BCOR: variants seen among roughly 807,000 people sequenced by gnomAD.
BCOR encodes BCL6 corepressor, also known as BCL-6 corepressor.
A neutral mutation model predicts 86.7 loss-of-function variants in BCOR; 10 were observed. That is an observed-to-expected ratio of 0.12 (90% CI 0.07 to 0.20). The LOEUF is 0.20. Among genes scored for constraint, BCOR ranks in the 10% least tolerant of loss-of-function variants. The pLI is 1.00. For missense variants in BCOR, 1,259 were observed against 1,452.1 expected (o/e 0.87, Z 2.16); for synonymous variants, 611 against 609.0 (o/e 1.00, Z -0.05).
intron 1 of BCOR, among the ~76,000 whole-genome samples, chrX:40,140,160 A>T (rs1478456794): frequency 2.7e-5 from 3 of 109,479 alleles, no homozygotes; most frequent in Non-Finnish European, 5.7e-5. Context: ...TGGCTTAAAA[A>T]ATATATATAT....
rs767398989 is a variant in BCOR at position 40,095,159 on chromosome X, C to G, written c.-41+2056G>C. ...TAATCATCGCCTTCCCCCCCCACTC[C>G]GCTCTACGCGCTGAAACCCTGCCCA... On this transcript the variant is annotated intron_variant, in intron 1 of 14. Coordinates refer to ENST00000378444, the MANE Select transcript of BCOR (RefSeq NM_001123385.2). Among the ~76,000 whole-genome samples, 331 of 111,778 alleles carry G rather than the reference C, an allele frequency of 3.0e-3. 1 individual carries two copies. Among genetic ancestry groups the G allele is most frequent in the African/African-American group, 0.01 (318 of 30,738 alleles).
chrX:40,142,564 G>A (rs750567134), intron 1 of BCOR, among the ~76,000 whole-genome samples: 7 of 111,536 alleles, frequency 6.3e-5, no homozygotes, highest in Admixed American at 1.9e-4. Context: ...CTGTCCCCAC[G>A]GCCATTTATA....
chrX:40,094,220 CAG>C (rs1285318369), intron 1 of BCOR, among the ~76,000 whole-genome samples: 5 of 112,022 alleles, frequency 4.5e-5, no homozygotes, highest in Admixed American at 9.3e-5. Context: ...TCGCAGCTCA[CAG>C]AGTCTGCTGC....
At chrX:40,117,347 C>T (rs1214982224) in intron 1 of BCOR, among the ~76,000 whole-genome samples, 6 of 111,262 alleles carry the variant, frequency 5.4e-5, no homozygotes, top group East Asian at 2.8e-4. Flanking sequence ...CTCCACCAAT[C>T]GAGACCTAAG....
Position 40,073,102 on chromosome X carries a change from C to A in BCOR, c.2244G>T (p.Arg748=). 8.3e-7 allele frequency: 1 copy of A among 1,211,841 alleles called. No individual in the cohort carries two copies. The highest frequency in any genetic ancestry group is 1.1e-6 in the Non-Finnish European group (1 of 895,549). ...CCTCGTAACGGGCTCTCTCATGGGA[C>A]CGGGATCTCCTCTCTGGTTTCTCCT... ...TKEEKPERRS[R]SHERARYEDP... The change falls in exon 4 of 15, where the codon CGG becomes CGT. Residue 748 remains arginine (R), a synonymous_variant. Transcript: ENST00000378444.
In BCOR at chrX:40,071,060, A is replaced by C; in HGVS notation, c.3151T>G (p.Trp1051Gly). Residue 1051 changes from tryptophan to glycine, a missense_variant, in exon 6 of 15, where the codon TGG becomes GGG. Trp to Gly is a radical substitution (Grantham distance 184). Around this residue, in one of 7 missense-constraint regions of BCOR, gnomAD observed 56 missense variants for 106.6 expected, o/e 0.53. Coordinates refer to ENST00000378444, the MANE Select transcript of BCOR (RefSeq NM_001123385.2). The part of the protein sequence containing the change: ...SEMCKFSPAD[W>G]ERLKGNQDKK... ...TCCTGATTTCCTTTCAACCTTTCCCAGTCGGCTGGGCTGAATTTGCACATC... is the reference window on the plus strand; with the variant it reads ...TCCTGATTTCCTTTCAACCTTTCCCCGTCGGCTGGGCTGAATTTGCACATC... 8.3e-7 allele frequency: 1 copy of C among 1,210,280 alleles called. No individual in the cohort carries two copies. The highest frequency in any genetic ancestry group is 1.1e-6 in the Non-Finnish European group (1 of 894,967).
At chrX:40,175,777 C>T (rs751775048) in intron 1 of BCOR, among the ~76,000 whole-genome samples, 1 of 113,102 alleles carries the variant, frequency 8.8e-6, no homozygotes, top group South Asian at 3.6e-4. Context: ...CTCCCCGCTA[C>T]GAGACCGTTC....
chrX:40,136,198 TAGA>T (rs1569191083), intron 1 of BCOR, among the ~76,000 whole-genome samples: 1 of 112,302 alleles, frequency 8.9e-6, no homozygotes. Context: ...CACTTGTCCG[TAGA>T]AGATGAGGGA....
chrX:40,109,115 G>A (rs1485048475), intron 1 of BCOR, among the ~76,000 whole-genome samples: 1 of 112,270 alleles, frequency 8.9e-6, no homozygotes, highest in Non-Finnish European at 1.9e-5. Flanking sequence ...GAGAGACGAG[G>A]GGGCGGGAGG....
chrX:40,060,495 T>C (rs1293388408), intron 10 of BCOR, among the ~76,000 whole-genome samples: 1 of 111,942 alleles, frequency 8.9e-6, no homozygotes, highest in African/African-American at 3.2e-5. Flanking sequence ...CTCAGAAAGG[T>C]GAGACTGGCA....
chrX:40,085,118 C>A lies in BCOR; in HGVS notation c.-40-7149G>T, dbSNP rs754672741. On this transcript the variant is annotated intron_variant, in intron 1 of 14. Coordinates refer to ENST00000378444, the MANE Select transcript of BCOR (RefSeq NM_001123385.2). ...CGACACCGCCAAGGTTAAAATGCCC[C>A]GAACAGCGCTGAGCAGATGTGAGCG... Among the ~76,000 whole-genome samples, 3 of 113,173 alleles carry A rather than the reference C, an allele frequency of 2.7e-5. 1 individual carries two copies. In the Admixed American group the frequency reaches 2.8e-4, roughly 10 times the overall value.
chrX:40,145,906 G>A (rs994694946), intron 1 of BCOR, among the ~76,000 whole-genome samples: 1 of 111,729 alleles, frequency 9.0e-6, no homozygotes, highest in Non-Finnish European at 1.9e-5. Flanking sequence ...GGGTCACCTC[G>A]ACCGGGCCTC....
intron 14 of BCOR, 181 bp downstream of exon 14, chrX:40,053,705 C>T (rs1423474650): frequency 1.9e-6 from 1 of 518,480 alleles, no homozygotes; most frequent in Non-Finnish European, 3.3e-6. Context: ...CCCCACCACA[C>T]TGGGTGTAAG....
chrX:40,138,801 C>T (rs1300023057), intron 1 of BCOR, among the ~76,000 whole-genome samples: 2 of 111,113 alleles, frequency 1.8e-5, no homozygotes, highest in African/African-American at 6.6e-5. Flanking sequence ...GTGATCTGCT[C>T]GCCTTGGCCT....
At chrX:40,098,086 C>T (rs1467345431), upstream of BCOR, among the ~76,000 whole-genome samples, 13 of 94,683 alleles carry the variant, frequency 1.4e-4, no homozygotes, top group South Asian at 6.5e-3. Context: ...CGCCTCCCCT[C>T]CCCCCGCAGG....
At chrX:40,052,770 T>C (rs752869770) in intron 14 of BCOR, among the ~76,000 whole-genome samples, 6 of 110,049 alleles carry the variant, frequency 5.5e-5, no homozygotes, top group African/African-American at 2.0e-4. Flanking sequence ...TTCACCATGT[T>C]AACCAGGATG....
chrX:40,123,445 C>T (rs1001530679), intron 1 of BCOR, among the ~76,000 whole-genome samples: 4 of 110,210 alleles, frequency 3.6e-5, no homozygotes, highest in Admixed American at 1.9e-4. Flanking sequence ...CTCCGCCTCC[C>T]GGGTTCAAGC....
chrX:40,175,810 C>A (rs1273453048), intron 1 of BCOR, among the ~76,000 whole-genome samples: 1 of 113,086 alleles, frequency 8.8e-6, no homozygotes, highest in African/African-American at 3.2e-5. Flanking sequence ...TCCGGAAGAG[C>A]CGCCCTTACT....
chrX:40,166,045 T>C (rs1938503085), intron 1 of BCOR, among the ~76,000 whole-genome samples: 1 of 112,253 alleles, frequency 8.9e-6, no homozygotes, highest in Admixed American at 9.4e-5. Context: ...GGCATTCTCA[T>C]ACCCATTTTG....
Sources: allele counts gnomAD v4.1 joint callset (sites outside exome capture counted in the v4.1 genomes callset), GRCh38; gene constraint gnomAD v4.1.1; regional missense constraint gnomAD v4.1.1; transcripts MANE v1.5; gene names NCBI Gene and HGNC (gene_info 2026-07-23, HGNC 2026-07-21).